DLGAP2: variants seen among roughly 807,000 people sequenced by gnomAD.
The protein encoded by DLGAP2 is DLG associated protein 2, also known as disks large-associated protein 2.
Under a neutral mutation model 100.3 loss-of-function variants are expected in DLGAP2, and 26 were observed. That is an observed-to-expected ratio of 0.26 (90% CI 0.19 to 0.36). The LOEUF is 0.36. DLGAP2 is among the 10% of genes least tolerant of loss of function. The pLI is 1.00. For missense variants in DLGAP2, 1,858 were observed against 1,453.2 expected, an observed-to-expected ratio of 1.28 and a Z score of -4.53; for synonymous variants, 886 against 630.1, an observed-to-expected ratio of 1.41 and a Z score of -6.08.
At chr8:860,563 C>G (rs937933821) in intron 1 of DLGAP2, among the ~76,000 whole-genome samples, 1 of 152,214 alleles carries the variant, frequency 6.6e-6, no homozygotes, top group Non-Finnish European at 1.5e-5. Context: ...ACACTCATGG[C>G]AGTGACTCAG....
Position 1,169,866 on chromosome 8 carries a change from A to T in DLGAP2, c.74-88985A>T, listed in dbSNP as rs7816887. On this transcript the variant is annotated intron_variant, in intron 2 of 14. Transcript: ENST00000637795. ...GACTTCCTCTTTTCCTAATTGAATAACCTTTATTTCCTTCTCCTGCCTAAT... is the reference window on the plus strand; with the variant it reads ...GACTTCCTCTTTTCCTAATTGAATATCCTTTATTTCCTTCTCCTGCCTAAT... Among the ~76,000 whole-genome samples the T allele has an allele frequency of 6.0e-5, 9 of 150,726 alleles. No individual in the cohort carries two copies. In the East Asian group the frequency reaches 7.8e-4, roughly 13 times the overall value.
chr8:1,054,014 C>A (rs76613515), intron 2 of DLGAP2, among the ~76,000 whole-genome samples: 3,276 of 152,224 alleles, frequency 0.022, 62 homozygotes, highest in Non-Finnish European at 0.032. Flanking sequence ...ATGTGTTACA[C>A]CGGCTTCCTT....
At chr8:757,648 G>A (rs1052400116) in intron 1 of DLGAP2, among the ~76,000 whole-genome samples, 3 of 152,170 alleles carry the variant, frequency 2.0e-5, no homozygotes, top group African/African-American at 7.2e-5. Flanking sequence ...GCGGGCTGAG[G>A]GTTGGGATCG....
intron 2 of DLGAP2, among the ~76,000 whole-genome samples, chr8:1,044,172 G>A (rs551574981): frequency 3.4e-4 from 52 of 152,252 alleles, no homozygotes; most frequent in Non-Finnish European, 5.7e-4. Context: ...GCACAGACTA[G>A]GGGCCCAATA....
intron 2 of DLGAP2, among the ~76,000 whole-genome samples, chr8:987,647 G>T (rs906619214): frequency 2.0e-5 from 3 of 152,102 alleles, no homozygotes; most frequent in South Asian, 2.1e-4. Context: ...ACTGCAGCTC[G>T]TGGGAATCCT....
At chr8:1,353,737 T>A (rs75171385) in intron 3 of DLGAP2, among the ~76,000 whole-genome samples, 11,734 of 152,236 alleles carry the variant, frequency 0.077, 495 homozygotes, top group Middle Eastern at 0.17. Flanking sequence ...TAACGTAAGA[T>A]TCAAATTTCT....
intron 2 of DLGAP2, among the ~76,000 whole-genome samples, chr8:947,895 C>T (rs1232462752): frequency 1.3e-5 from 2 of 148,548 alleles, no homozygotes; most frequent in African/African-American, 2.5e-5. Flanking sequence ...CCGTGTGGGC[C>T]ATGGCCCCAC....
intron 2 of DLGAP2, among the ~76,000 whole-genome samples, chr8:1,065,528 A>G (rs1803218047): frequency 6.6e-6 from 1 of 152,226 alleles, no homozygotes; most frequent in Non-Finnish European, 1.5e-5. Flanking sequence ...GTTGGGGAGT[A>G]CAACATCCTC....
At chr8:1,147,273 T>A (rs1209891973) in intron 2 of DLGAP2, among the ~76,000 whole-genome samples, 1 of 151,388 alleles carries the variant, frequency 6.6e-6, no homozygotes, top group East Asian at 1.9e-4. Context: ...AAATGATGCT[T>A]TTGTAAAAAT....
At chr8:982,549 G>C (rs1800366190) in intron 2 of DLGAP2, among the ~76,000 whole-genome samples, 1 of 152,192 alleles carries the variant, frequency 6.6e-6, no homozygotes, top group South Asian at 2.1e-4. Flanking sequence ...AGGAAAAATA[G>C]AGCCTTATAA....
intron 4 of DLGAP2, among the ~76,000 whole-genome samples, chr8:1,540,036 C>A (rs531822315): frequency 1.3e-5 from 2 of 152,316 alleles, no homozygotes; most frequent in Middle Eastern, 3.4e-3. Context: ...CCAGACAGGG[C>A]CTCCTCTTGC....
chr8:1,010,411 TACAC>T (rs1002167677), intron 2 of DLGAP2, among the ~76,000 whole-genome samples: 3 of 152,010 alleles, frequency 2.0e-5, no homozygotes, highest in Non-Finnish European at 4.4e-5. Flanking sequence ...TATACACACA[TACAC>T]ACATGTGCCC....
At chr8:1,162,368 G>A (rs78203797) in intron 2 of DLGAP2, among the ~76,000 whole-genome samples, 1,899 of 152,304 alleles carry the variant, frequency 0.012, 42 homozygotes, top group African/African-American at 0.043. Context: ...ACACACTGGT[G>A]GTGGAGACGT....
chr8:1,254,195 C>T lies in DLGAP2; in HGVS notation c.74-4656C>T, dbSNP rs536510564. Among the ~76,000 whole-genome samples, 11 of 152,324 alleles carry T rather than the reference C, an allele frequency of 7.2e-5. No individual in the cohort carries two copies. In the South Asian group the frequency reaches 2.3e-3, roughly 32 times the overall value. On this transcript the variant is annotated intron_variant, in intron 2 of 14. Coordinates refer to ENST00000637795, the MANE Select transcript of DLGAP2 (RefSeq NM_001346810.2). Reference sequence around the variant, plus strand: ...GCAGGTCTCAGTCTGCCTCTCCCTTCCCTGAAATCAGTGCCTCCCACAGGC... The same window carrying T: ...GCAGGTCTCAGTCTGCCTCTCCCTTTCCTGAAATCAGTGCCTCCCACAGGC...
intron 2 of DLGAP2, among the ~76,000 whole-genome samples, chr8:1,036,098 G>A (rs1323094102): frequency 9.1e-6 from 1 of 110,022 alleles, no homozygotes; most frequent in Non-Finnish European, 2.0e-5. Flanking sequence ...TCCCGACCCC[G>A]CGTGTCACCG....
At chr8:904,090 C>T (rs1343410818) in intron 1 of DLGAP2, among the ~76,000 whole-genome samples, 1 of 152,250 alleles carries the variant, frequency 6.6e-6, no homozygotes, top group Non-Finnish European at 1.5e-5. Context: ...GTTTCTTCAG[C>T]TGAAAATCAG....
chr8:1,559,203 G>A (rs541555953), intron 5 of DLGAP2, among the ~76,000 whole-genome samples: 7 of 152,296 alleles, frequency 4.6e-5, no homozygotes, highest in Non-Finnish European at 8.8e-5. Context: ...ATTGATTGGC[G>A]TTAAATGCAG....
At chr8:1,286,759 G>A (rs7833525) in intron 3 of DLGAP2, among the ~76,000 whole-genome samples, 18,848 of 152,214 alleles carry the variant, frequency 0.12, 1,498 homozygotes, top group East Asian at 0.24. Flanking sequence ...TGCACCCTCT[G>A]TGCTGTACTG....
chr8:1,102,374 A>G (rs983937506), intron 2 of DLGAP2, among the ~76,000 whole-genome samples: 1 of 148,268 alleles, frequency 6.7e-6, no homozygotes, highest in Non-Finnish European at 1.5e-5. Flanking sequence ...ATATTTATAT[A>G]TAATTTATAG....
Sources: allele counts gnomAD v4.1 joint callset (sites outside exome capture counted in the v4.1 genomes callset), GRCh38; gene constraint gnomAD v4.1.1; transcripts MANE v1.5; gene names NCBI Gene and HGNC (gene_info 2026-07-23, HGNC 2026-07-21).